SNN: variants seen among roughly 807,000 people sequenced by gnomAD.
SNN encodes the protein AG8_1.
A neutral mutation model predicts 5.3 loss-of-function variants in SNN; 5 were observed. The observed-to-expected ratio is 0.94, with a 90% CI of 0.49 to 1.97. The LOEUF (loss-of-function observed/expected upper bound fraction) is 1.97, where lower values mean the gene tolerates loss of function less well. Ranked by LOEUF, SNN falls within the 30% of genes most tolerant of loss-of-function variation. The pLI, the probability that SNN is intolerant of heterozygous loss-of-function variation, is 0.01. For missense variants in SNN, 127 were observed against 121.6 expected, an observed-to-expected ratio of 1.04 and a Z score of -0.21; for synonymous variants, 67 against 52.1, an observed-to-expected ratio of 1.29 and a Z score of -1.24.
intron 1 of SNN, among the ~76,000 whole-genome samples, chr16:11,673,790 G>A (rs539061508): frequency 6.6e-6 from 1 of 152,326 alleles, no homozygotes; most frequent in Admixed American, 6.5e-5. Flanking sequence ...GCATATTGGG[G>A]ATGTGTAGTG....
rs2050306510 is a variant in SNN, at chr16:11,676,644, A to G, written c.*318A>G. ...GAGCTACTACTGTAATGCGTGAACT[A>G]ACAAACCTGTGAACTGTAAATAGGC... On this transcript the variant is annotated 3_prime_UTR_variant, in exon 2 of 2. Transcript: ENST00000329565. 1.1e-5 allele frequency: 4 copies of G among 349,132 alleles called. No individual in the cohort carries two copies. Among genetic ancestry groups the G allele is most frequent in the Non-Finnish European group, 2.2e-5 (4 of 178,886 alleles). The allele number at this position is 349,132 out of a possible 1,614,324, so 21.6% of individuals were successfully genotyped here. A position where few individuals can be genotyped will look rare whatever the true frequency, so the allele number is the denominator to read the frequency against.
chr16:11,669,392 G>T (rs1179642652), intron 1 of SNN, among the ~76,000 whole-genome samples: 1 of 152,272 alleles, frequency 6.6e-6, no homozygotes, highest in Non-Finnish European at 1.5e-5. Flanking sequence ...AGGCACGCGG[G>T]AGAGGAGGTA....
intron 1 of SNN, among the ~76,000 whole-genome samples, chr16:11,670,992 G>A (rs1189798576): frequency 1.3e-5 from 2 of 152,228 alleles, no homozygotes; most frequent in African/African-American, 4.8e-5. Context: ...TGGCAAACCC[G>A]GCAGGACAGT....
At chr16:11,670,965 C>T (rs7193441) in intron 1 of SNN, among the ~76,000 whole-genome samples, 85,329 of 152,114 alleles carry the variant, frequency 0.56, 24,648 homozygotes, top group African/African-American at 0.68. Flanking sequence ...GTCCCAGTTA[C>T]GGATCTCTGT....
At position 11,676,185 on chromosome 16, in the gene SNN, CCAGT is replaced by C. The variant is rs761978399; in HGVS notation, c.130_133del (p.Ser44ArgfsTer34). 7 of 1,614,234 alleles carry C rather than the reference CCAGT, an allele frequency of 4.3e-6. No individual in the cohort carries two copies. Among genetic ancestry groups the C allele is most frequent in the South Asian group, 3.3e-5 (3 of 91,084 alleles). On this transcript the variant is annotated frameshift_variant, in exon 2 of 2. Transcript: ENST00000329565. LOFTEE classifies it high-confidence loss of function. ...GCTACCTGCGGCTGCAGCGCATCAG[CCAGT>C]CAGAGGACGAGGAGAGCATCGTGGG...
rs2050312876 is a variant in SNN at position 11,677,394 on chromosome 16, C to T, written c.*1068C>T. ...TCCTTTCCTCTCTGATGACCGTCCG[C>T]CTATGGGGTTCTGACTTCACTTTCC... On this transcript the variant is annotated 3_prime_UTR_variant, in exon 2 of 2. Transcript: ENST00000329565. The surrounding 1 kb of genome is among the most constrained non-coding windows in gnomAD (Gnocchi z 4.2). 1 of 167,276 alleles carries T rather than the reference C, an allele frequency of 6.0e-6. No individual in the cohort carries two copies. Among genetic ancestry groups the T allele is most frequent in the South Asian group, 2.1e-4 (1 of 4,840 alleles). 10.4% of individuals were successfully genotyped at this position (167,276 alleles called of 1,614,324 possible).
rs1025344569 is a variant in SNN at position 11,676,755 on chromosome 16, T to C, written c.*429T>C. Reference sequence around the variant, plus strand: ...GGGACTGGTATTCTGGCTGTACTAATGACAAGCTGAGTCAAGACCCTGGAG... The same window carrying C: ...GGGACTGGTATTCTGGCTGTACTAACGACAAGCTGAGTCAAGACCCTGGAG... On this transcript the variant is annotated 3_prime_UTR_variant, in exon 2 of 2. Transcript: ENST00000329565. 12 of 187,818 alleles carry C rather than the reference T, an allele frequency of 6.4e-5. No individual in the cohort carries two copies. Among genetic ancestry groups the C allele is most frequent in the Non-Finnish European group, 1.4e-4 (11 of 79,164 alleles). 11.6% of individuals were successfully genotyped at this position (187,818 alleles called of 1,614,324 possible).
At chr16:11,669,983 G>A (rs993414139) in intron 1 of SNN, among the ~76,000 whole-genome samples, 3 of 152,226 alleles carry the variant, frequency 2.0e-5, no homozygotes, top group Non-Finnish European at 4.4e-5. Flanking sequence ...GCATCCGGCC[G>A]TTCTTGGTCC....
Position 11,671,372 on chromosome 16 carries a change from C to T in SNN, c.-86+2832C>T, listed in dbSNP as rs544812521. Among the ~76,000 whole-genome samples, 1 of 152,226 alleles carries T rather than the reference C, an allele frequency of 6.6e-6. No homozygotes were observed. The highest frequency in any genetic ancestry group is 2.1e-4 in the South Asian group (1 of 4,822). On this transcript the variant is annotated intron_variant, in intron 1 of 1. Transcript: ENST00000329565. This position sits in a 1 kb window ranked among gnomAD's most constrained non-coding sequence, Gnocchi z 4.7. ...CAAATGCCAGGCAGAGGGGACACTC[C>T]AGCCTGCCCAGAGATGGAAGGCCCA...
At position 11,676,168 on chromosome 16, in the gene SNN, C is replaced by T. The variant is rs202219819; in HGVS notation, c.109C>T (p.Arg37Trp). The change falls in exon 2 of 2, where the codon CGG becomes TGG. Residue 37 changes from arginine (R) to tryptophan (W), a missense_variant. By Grantham distance (101) the Arg-to-Trp change is moderately radical. Transcript: ENST00000329565. The part of the protein sequence containing the change: ...ALILGCWCYL[R>W]LQRISQSEDE... ...GATCCTGGGCTGCTGGTGCTACCTG[C>T]GGCTGCAGCGCATCAGCCAGTCAGA... The T allele has an allele frequency of 3.3e-5, 54 of 1,614,056 alleles. No individual in the cohort carries two copies. Among genetic ancestry groups the T allele is most frequent in the Admixed American group, 1.7e-5 (1 of 60,004 alleles).
Position 11,668,905 on chromosome 16 carries a change from AGCTCCGGGGAGG to A in SNN, c.-86+376_-86+387del, listed in dbSNP as rs577812175. On this transcript the variant is annotated intron_variant, in intron 1 of 1. Transcript: ENST00000329565. This position sits in a 1 kb window ranked among gnomAD's most constrained non-coding sequence, Gnocchi z 6.8. Reference sequence around the variant, plus strand: ...TTTCGGGGTTCTTCAAAATTCTGGGAGCTCCGGGGAGGGCTCCGGGGATAGGGGTCCAGGTGA... The same window carrying A: ...TTTCGGGGTTCTTCAAAATTCTGGGAGCTCCGGGGATAGGGGTCCAGGTGA... Among the ~76,000 whole-genome samples the A allele has an allele frequency of 1.2e-4, 18 of 151,496 alleles. No homozygotes were observed. The highest frequency in any genetic ancestry group is 1.1e-3 in the Admixed American group (17 of 15,264).
Position 11,674,866 on chromosome 16 carries a change from T to C in SNN, c.-85-1109T>C, listed in dbSNP as rs2050288198. 2.0e-5 allele frequency among the ~76,000 whole-genome samples: 3 copies of C among 152,314 alleles called. No individual in the cohort carries two copies. The South Asian group carries it at 6.2e-4, about 32-fold the overall frequency. On this transcript the variant is annotated intron_variant, in intron 1 of 1. Transcript: ENST00000329565. ...TGTTCCTGACAATGGCACCCTGTAT[T>C]GTGAGTGACCGGCATTTGGGGTACT...
At position 11,677,441 on chromosome 16, in the gene SNN, G is replaced by A. The variant is rs1289814461; in HGVS notation, c.*1115G>A. 6.0e-6 allele frequency: 1 copy of A among 167,088 alleles called. No individual in the cohort carries two copies. Among genetic ancestry groups the A allele is most frequent in the Non-Finnish European group, 1.5e-5 (1 of 68,174 alleles). 10.4% of individuals were successfully genotyped at this position (167,088 alleles called of 1,614,324 possible). On this transcript the variant is annotated 3_prime_UTR_variant, in exon 2 of 2. Transcript: ENST00000329565. The surrounding 1 kb of genome is among the most constrained non-coding windows in gnomAD (Gnocchi z 4.2). ...TTCCTCAGCGGGTCTCCAGTCCCCTGACCCAGCTCTAAAGGCACTTAGGAC... is the reference window on the plus strand; with the variant it reads ...TTCCTCAGCGGGTCTCCAGTCCCCTAACCCAGCTCTAAAGGCACTTAGGAC...
rs2050244055 is a variant in SNN at position 11,668,592 on chromosome 16, C to T, written c.-86+52C>T. The stretch of plus-strand genomic sequence containing the variant: ...CTCGGGCCGGGCGGGGGCGCCGGGG[C>T]CCGGGGGCGGGAAGGGGGAGGCCAG... On this transcript the variant is annotated intron_variant, in intron 1 of 1. Coordinates refer to ENST00000329565, the MANE Select transcript of SNN (RefSeq NM_003498.6). The surrounding 1 kb of genome is among the most constrained non-coding windows in gnomAD (Gnocchi z 6.8). 6.9e-6 allele frequency: 1 copy of T among 144,110 alleles called. No homozygotes were observed. Among genetic ancestry groups the T allele is most frequent in the African/African-American group, 2.5e-5 (1 of 40,044 alleles). The allele number at this position is 144,110 out of a possible 1,614,324, so 8.9% of individuals were successfully genotyped here.
At chr16:11,673,031 C>T (rs1331077902) in intron 1 of SNN, among the ~76,000 whole-genome samples, 2 of 152,168 alleles carry the variant, frequency 1.3e-5, no homozygotes, top group Non-Finnish European at 2.9e-5. Flanking sequence ...TGTCCAGAAA[C>T]CCCAGGGGAG....
rs1474792048 is a variant in SNN at position 11,678,280 on chromosome 16, G to C, written c.*1954G>C. 2 of 167,148 alleles carry C rather than the reference G, an allele frequency of 1.2e-5. No individual in the cohort carries two copies. The highest frequency in any genetic ancestry group is 2.4e-5 in the African/African-American group (1 of 41,442). The allele number at this position is 167,148 out of a possible 1,614,324, so 10.4% of individuals were successfully genotyped here. On this transcript the variant is annotated 3_prime_UTR_variant, in exon 2 of 2. Transcript: ENST00000329565. ...GAAGGGGGTAAAAGTTTGCTTTGGT[G>C]AGTGAGAAAAGGCTGGGGCGTGTGA...
At position 11,677,139 on chromosome 16, in the gene SNN, G is replaced by A. The variant is rs8191333; in HGVS notation, c.*813G>A. The A allele has an allele frequency of 5.8e-3, 973 of 167,234 alleles. 31 individuals carry two copies. The East Asian group carries it at 0.1, about 18-fold the overall frequency. 10.4% of individuals were successfully genotyped at this position (167,234 alleles called of 1,614,324 possible). On this transcript the variant is annotated 3_prime_UTR_variant, in exon 2 of 2. Coordinates refer to ENST00000329565, the MANE Select transcript of SNN (RefSeq NM_003498.6). This position sits in a 1 kb window ranked among gnomAD's most constrained non-coding sequence, Gnocchi z 4.2. ...TTCTTGCCGCTTGGGTCTTCAGCAC[G>A]CCAAGCCCCCCACCAACCCTCCACC...
rs1031064296 is a variant in SNN at position 11,678,482 on chromosome 16, C to A, written c.*2156C>A. The A allele has an allele frequency of 6.0e-6, 1 of 167,098 alleles. No individual in the cohort carries two copies. The highest frequency in any genetic ancestry group is 1.5e-5 in the Non-Finnish European group (1 of 68,184). 10.4% of individuals were successfully genotyped at this position (167,098 alleles called of 1,614,324 possible). On this transcript the variant is annotated 3_prime_UTR_variant, in exon 2 of 2. Coordinates refer to ENST00000329565, the MANE Select transcript of SNN (RefSeq NM_003498.6). Reference sequence around the variant, plus strand: ...GAACTGACCAGCGCTCGATTGTCAGCCTTGGCCTGGGGTTTTGACCTTGCC... The same window carrying A: ...GAACTGACCAGCGCTCGATTGTCAGACTTGGCCTGGGGTTTTGACCTTGCC...
At position 11,679,122 on chromosome 16, in the gene SNN, T is replaced by G; in HGVS notation, c.*2796T>G. On this transcript the variant is annotated 3_prime_UTR_variant, in exon 2 of 2. Coordinates refer to ENST00000329565, the MANE Select transcript of SNN (RefSeq NM_003498.6). The surrounding 1 kb of genome is among the most constrained non-coding windows in gnomAD (Gnocchi z 4.6). ...GAGAAAATCTTTATTTACAATAAAT[T>G]TCAATAAAATTTGCATAAATATATT... is the stretch of plus-strand genomic sequence containing the variant. 1 of 1,466,064 alleles carries G rather than the reference T, an allele frequency of 6.8e-7. No individual in the cohort carries two copies. The highest frequency in any genetic ancestry group is 1.2e-5 in the South Asian group (1 of 80,196). The allele number at this position is 1,466,064 out of a possible 1,614,324, so 90.8% of individuals were successfully genotyped here.
Sources: gnomAD v4.1 joint callset for allele counts (sites outside exome capture counted in the v4.1 genomes callset) on GRCh38, gnomAD v4.1.1 for gene constraint, Gnocchi (gnomAD v3.1) non-coding constraint, MANE v1.5 for transcripts, NCBI Gene and HGNC (gene_info 2026-07-23, HGNC 2026-07-21) for gene names.